MYO5B: variants seen among roughly 807,000 people sequenced by gnomAD.
MYO5B encodes the protein myosin VB, also known as unconventional myosin-Vb.
MYO5B carries 143 observed loss-of-function variants against 229.3 expected under a neutral mutation model. That is an observed-to-expected ratio of 0.62 (90% CI 0.54 to 0.72). MYO5B has a LOEUF of 0.72. Ranked by LOEUF, MYO5B falls within the 30% of genes least tolerant of loss-of-function variation. The pLI, the probability that MYO5B is intolerant of heterozygous loss-of-function variation, is 0.00. For synonymous variants in MYO5B, 918 were observed against 885.2 expected (o/e 1.04, Z -0.66); for missense variants, 2,321 against 2,331.0 (o/e 1.00, Z 0.09).
chr18:50,068,161 A>G (rs539666095), intron 1 of MYO5B, among the ~76,000 whole-genome samples: 1 of 152,308 alleles, frequency 6.6e-6, no homozygotes, highest in African/African-American at 2.4e-5. Flanking sequence ...TCACTTTCTT[A>G]CAGATGCCTT....
At chr18:50,126,604 C>G (rs971011663) in intron 1 of MYO5B, 6 of 155,002 alleles carry the variant, frequency 3.9e-5, no homozygotes, top group Non-Finnish European at 8.8e-5. Flanking sequence ...AGAGCTTGCA[C>G]ACATTCCTGC....
chr18:50,143,131 C>T (rs779799167), intron 1 of MYO5B, among the ~76,000 whole-genome samples: 7 of 152,158 alleles, frequency 4.6e-5, no homozygotes, highest in Non-Finnish European at 7.3e-5. Flanking sequence ...CATTCCAATC[C>T]ATCAAAGTAA....
At chr18:49,946,519 T>G (rs1389963538) in intron 14 of MYO5B, 1 of 152,150 alleles carries the variant, frequency 6.6e-6, no homozygotes, top group Admixed American at 6.6e-5. Context: ...ATGGGAGAAT[T>G]TTAAGATTTC....
intron 1 of MYO5B, among the ~76,000 whole-genome samples, chr18:50,127,095 G>A (rs2032176395): frequency 6.6e-6 from 1 of 152,184 alleles, no homozygotes; most frequent in Non-Finnish European, 1.5e-5. Context: ...ACTGCCCCCA[G>A]TTAACATAGG....
intron 21 of MYO5B, among the ~76,000 whole-genome samples, chr18:49,895,383 A>C (rs1426374336): frequency 6.7e-6 from 1 of 148,740 alleles, no homozygotes; most frequent in Non-Finnish European, 1.5e-5. Context: ...AACAAAGAAC[A>C]GCAACACTGA....
intron 10 of MYO5B, among the ~76,000 whole-genome samples, chr18:49,964,871 A>AGG (rs1287053150): frequency 1.3e-5 from 2 of 152,022 alleles, no homozygotes; most frequent in African/African-American, 4.8e-5. Context: ...GTTAGAGGGG[A>AGG]GGATGGGGGT....
chr18:49,837,418 G>T (rs2024000778), intron 37 of MYO5B, 99 bp downstream of exon 37: 4 of 1,423,572 alleles, frequency 2.8e-6, no homozygotes, highest in Non-Finnish European at 4.0e-6. Context: ...AATTAGATTT[G>T]GATTTCATTT....
At chr18:50,153,686 G>C (rs2032635122) in intron 1 of MYO5B, among the ~76,000 whole-genome samples, 1 of 152,190 alleles carries the variant, frequency 6.6e-6, no homozygotes, top group African/African-American at 2.4e-5. Flanking sequence ...CTGACCTCTA[G>C]TGATCTGCCC....
chr18:49,861,751 G>A (rs575770486), intron 29 of MYO5B, among the ~76,000 whole-genome samples: 4 of 152,090 alleles, frequency 2.6e-5, no homozygotes, highest in Admixed American at 2.0e-4. Context: ...CCACCCCCCC[G>A]GGCCTCAGTC....
chr18:49,969,076 T>A (rs1008121562), intron 10 of MYO5B, among the ~76,000 whole-genome samples: 16 of 152,174 alleles, frequency 1.1e-4, no homozygotes, highest in Non-Finnish European at 1.6e-4. Flanking sequence ...CTTCCGATGA[T>A]CTGCAAGGTT....
Position 50,001,351 on chromosome 18 carries a change from T to G in MYO5B, c.516A>C (p.Ser172=). Residue 172 remains serine (S), a synonymous_variant, in exon 5 of 40, where the codon TCA becomes TCC. Transcript: ENST00000285039. ...SGESGAGKTV[S]AKYAMRYFAT... is the part of the protein sequence containing the mutation. ...CGAAATAGCGCATGGCATACTTGGC[T>G]GATACCGTCTTCCCGGCTCCAGACT... 1.2e-6 allele frequency: 2 copies of G among 1,614,204 alleles called. No homozygotes were observed. Among genetic ancestry groups the G allele is most frequent in the East Asian group, 4.5e-5 (2 of 44,872 alleles).
intron 1 of MYO5B, among the ~76,000 whole-genome samples, chr18:50,068,432 A>G (rs919505082): frequency 6.6e-6 from 1 of 152,180 alleles, no homozygotes; most frequent in Non-Finnish European, 1.5e-5. Context: ...CCTGGCTCCA[A>G]GGCCTTCCTG....
At chr18:50,145,497 C>CAAAAAA (rs369507800) in intron 1 of MYO5B, among the ~76,000 whole-genome samples, 20 of 70,004 alleles carry the variant, frequency 2.9e-4, no homozygotes, top group African/African-American at 1.2e-3. Context: ...GACTCCATCT[C>CAAAAAA]AAAAAAAAAA....
rs556121990 is a variant in MYO5B at position 49,935,201 on chromosome 18, G to A, written c.2003+1051C>T. Among the ~76,000 whole-genome samples, 3 of 152,360 alleles carry A rather than the reference G, an allele frequency of 2.0e-5. No homozygotes were observed. In the South Asian group the frequency reaches 6.2e-4, roughly 32 times the overall value. On this transcript the variant is annotated intron_variant, in intron 16 of 39. Coordinates refer to ENST00000285039, the MANE Select transcript of MYO5B (RefSeq NM_001080467.3). ...TTTGACGTCAGTTAGACACTGGGAA[G>A]TGAAGGAGACGGAAGAATCAAGGGT...
chr18:50,075,815 G>C (rs1389254713), intron 1 of MYO5B, among the ~76,000 whole-genome samples: 1 of 152,224 alleles, frequency 6.6e-6, no homozygotes, highest in Non-Finnish European at 1.5e-5. Flanking sequence ...AGAACCCCAG[G>C]ACAACAGCTT....
chr18:50,039,991 C>T (rs940039949), intron 3 of MYO5B, 152 bp downstream of exon 3: 1 of 858,480 alleles, frequency 1.2e-6, no homozygotes. Context: ...AATTAAGCCA[C>T]ATTCACTGAT....
intron 1 of MYO5B, among the ~76,000 whole-genome samples, chr18:50,174,385 C>T (rs1435031489): frequency 6.6e-6 from 1 of 152,120 alleles, no homozygotes; most frequent in African/African-American, 2.4e-5. Context: ...TGAGAAGGTA[C>T]AGCACCAACA....
chr18:49,892,625 T>G (rs968044544), intron 22 of MYO5B, among the ~76,000 whole-genome samples: 2 of 152,186 alleles, frequency 1.3e-5, no homozygotes, highest in Admixed American at 6.5e-5. Flanking sequence ...CAGCATTTAT[T>G]GAAATTGACA....
At chr18:50,190,188 T>C (rs1034464808) in intron 1 of MYO5B, among the ~76,000 whole-genome samples, 2 of 152,230 alleles carry the variant, frequency 1.3e-5, no homozygotes, top group African/African-American at 2.4e-5. Flanking sequence ...AACTCTTCTA[T>C]AGATAAGAGT....
Sources: allele counts gnomAD v4.1 joint callset (sites outside exome capture counted in the v4.1 genomes callset), GRCh38; gene constraint gnomAD v4.1.1; transcripts MANE v1.5; gene names NCBI Gene and HGNC (gene_info 2026-07-23, HGNC 2026-07-21).